DMD: variants seen among roughly 807,000 people sequenced by gnomAD.
DMD encodes dystrophin.
In DMD, 63 loss-of-function variants were observed where a neutral mutation model predicts 330.1. The ratio of observed to expected loss-of-function variants is 0.19; its 90% CI spans 0.16 to 0.24. The LOEUF is 0.24. DMD is among the 10% of genes least tolerant of loss of function. DMD has a pLI of 1.00. For missense variants in DMD, 3,344 were observed against 2,684.1 expected, an observed-to-expected ratio of 1.25 and a Z score of -5.43; for synonymous variants, 1,223 against 959.8, an observed-to-expected ratio of 1.27 and a Z score of -5.07.
intron 44 of DMD, among the ~76,000 whole-genome samples, chrX:32,207,487 G>A (rs1005610949): frequency 1.1e-4 from 12 of 111,763 alleles, no homozygotes; most frequent in Non-Finnish European, 2.1e-4. Flanking sequence ...AGCACAAAAC[G>A]TATTAAGAGA....
chrX:32,738,930 A>C (rs1199336919), intron 7 of DMD, among the ~76,000 whole-genome samples: 1 of 111,912 alleles, frequency 8.9e-6, no homozygotes, highest in East Asian at 2.8e-4. Context: ...AGAATAAATG[A>C]GGCAGAAGAC....
At chrX:32,176,185 T>G (rs1475044061) in intron 44 of DMD, among the ~76,000 whole-genome samples, 21 of 112,330 alleles carry the variant, frequency 1.9e-4, no homozygotes, top group Non-Finnish European at 1.1e-4. Flanking sequence ...GAAGACTTTT[T>G]CAAGATTTTT....
intron 1 of DMD, chrX:33,041,630 A>G: frequency 8.3e-7 from 1 of 1,209,254 alleles, no homozygotes. Context: ...TTGGATCTTC[A>G]ACAGATATTA....
At chrX:32,917,981 GA>G (rs200449126) in intron 2 of DMD, among the ~76,000 whole-genome samples, 23,756 of 88,073 alleles carry the variant, frequency 0.27, 2,376 homozygotes, top group Non-Finnish European at 0.36. Flanking sequence ...TCATCTGCTA[GA>G]AAAAAAAAAA....
At chrX:32,280,670 T>C (rs1416589391) in intron 43 of DMD, among the ~76,000 whole-genome samples, 2 of 111,883 alleles carry the variant, frequency 1.8e-5, no homozygotes, top group Non-Finnish European at 3.8e-5. Context: ...TAGCTGAATG[T>C]CTCATTTAGG....
At chrX:32,895,180 T>C (rs1023859543) in intron 2 of DMD, among the ~76,000 whole-genome samples, 1 of 112,099 alleles carries the variant, frequency 8.9e-6, no homozygotes, top group Non-Finnish European at 1.9e-5. Flanking sequence ...CCAAATATCG[T>C]CCCATTGGGG....
chrX:32,979,006 T>G (rs995273653), intron 2 of DMD, among the ~76,000 whole-genome samples: 14 of 112,233 alleles, frequency 1.2e-4, no homozygotes, highest in African/African-American at 4.5e-4. Flanking sequence ...ACAGAAATCT[T>G]AGATTAGGCA....
chrX:32,943,520 T>C (rs1249579368), intron 2 of DMD, among the ~76,000 whole-genome samples: 1 of 111,725 alleles, frequency 9.0e-6, no homozygotes, highest in Non-Finnish European at 1.9e-5. Context: ...AAATTTTATT[T>C]TAAATTTCCC....
intron 43 of DMD, among the ~76,000 whole-genome samples, chrX:32,253,977 ATCT>A (rs2097288355): frequency 9.1e-6 from 1 of 110,410 alleles, no homozygotes; most frequent in South Asian, 3.8e-4. Context: ...GTTCATCCTC[ATCT>A]TCTTTTTCCT....
chrX:31,531,705 C>T (rs2073851229), intron 55 of DMD, among the ~76,000 whole-genome samples: 1 of 109,239 alleles, frequency 9.2e-6, no homozygotes, highest in East Asian at 2.9e-4. Flanking sequence ...TCAATTTTGG[C>T]TTTTGTTGCC....
At chrX:31,489,560 T>C (rs2069094718) in intron 57 of DMD, among the ~76,000 whole-genome samples, 1 of 112,287 alleles carries the variant, frequency 8.9e-6, no homozygotes, top group South Asian at 3.6e-4. Context: ...TATATTAATT[T>C]ATGGGTTTAC....
At chrX:32,681,265 T>C (rs1277155170) in intron 9 of DMD, among the ~76,000 whole-genome samples, 1 of 111,630 alleles carries the variant, frequency 9.0e-6, no homozygotes, top group East Asian at 2.8e-4. Context: ...TACGAGTCGA[T>C]GGACCATTGT....
At chrX:33,048,297 G>A (rs2094409264) in intron 1 of DMD, among the ~76,000 whole-genome samples, 1 of 111,465 alleles carries the variant, frequency 9.0e-6, no homozygotes, top group African/African-American at 3.3e-5. Flanking sequence ...AGAACTAAAG[G>A]AAACCTGTCC....
At chrX:31,482,781 G>C (rs2068413625) in intron 57 of DMD, among the ~76,000 whole-genome samples, 1 of 111,818 alleles carries the variant, frequency 8.9e-6, no homozygotes, top group African/African-American at 3.3e-5. Context: ...AAAGGGATAA[G>C]AAGTTCTTTT....
intron 1 of DMD, among the ~76,000 whole-genome samples, chrX:33,063,905 G>T (rs2148101197): frequency 8.9e-6 from 1 of 111,767 alleles, no homozygotes; most frequent in East Asian, 2.8e-4. Flanking sequence ...ACTAGCACTT[G>T]TTCCCTGTAC....
intron 1 of DMD, among the ~76,000 whole-genome samples, chrX:33,116,473 A>AC (rs1432025845): frequency 9.0e-6 from 1 of 110,714 alleles, no homozygotes; most frequent in Non-Finnish European, 1.9e-5. Context: ...CGACCACTGC[A>AC]CTCCATCCTG....
At chrX:32,653,006 G>A (rs781679450) in intron 9 of DMD, among the ~76,000 whole-genome samples, 2 of 111,031 alleles carry the variant, frequency 1.8e-5, no homozygotes, top group Admixed American at 9.6e-5. Flanking sequence ...TTTTGATAGG[G>A]TTGTTTTTTT....
At chrX:32,477,828 C>T (rs1215327306) in intron 21 of DMD, among the ~76,000 whole-genome samples, 1 of 111,170 alleles carries the variant, frequency 9.0e-6, no homozygotes, top group Admixed American at 9.6e-5. Context: ...CGTAACTGTG[C>T]CAACCAATAA....
chrX:32,475,586 A>T (rs1010752311), intron 21 of DMD, among the ~76,000 whole-genome samples: 1 of 110,960 alleles, frequency 9.0e-6, no homozygotes, highest in Non-Finnish European at 1.9e-5. Context: ...GGTTAGGTAT[A>T]TTCCTAAGTT....
Sources: allele counts gnomAD v4.1 joint callset (sites outside exome capture counted in the v4.1 genomes callset), GRCh38; gene constraint gnomAD v4.1.1; transcripts MANE v1.5; gene names NCBI Gene and HGNC (gene_info 2026-07-23, HGNC 2026-07-21).